ROBO2: variants seen among roughly 807,000 people sequenced by gnomAD.
ROBO2 encodes roundabout homolog 2.
A neutral mutation model predicts 160.8 loss-of-function variants in ROBO2; 53 were observed. The observed-to-expected ratio is 0.33, with a 90% CI of 0.26 to 0.41. The LOEUF is 0.41. Among genes scored for constraint, ROBO2 ranks in the 10% least tolerant of loss-of-function variants. ROBO2 has a pLI of 1.00. For missense variants in ROBO2, 1,577 were observed against 1,722.4 expected (o/e 0.92, Z 1.49); for synonymous variants, 664 against 611.7 (o/e 1.09, Z -1.26).
chr3:76,460,446 TTG>T (rs1309231764), intron 2 of ROBO2, among the ~76,000 whole-genome samples: 5 of 152,162 alleles, frequency 3.3e-5, no homozygotes, highest in Non-Finnish European at 7.4e-5. Flanking sequence ...AAGTGGTGCT[TTG>T]TGGCTGCTAA....
chr3:76,233,380 G>C (rs1041326143), intron 2 of ROBO2, among the ~76,000 whole-genome samples: 1 of 152,084 alleles, frequency 6.6e-6, no homozygotes, highest in African/African-American at 2.4e-5. Context: ...CTGACCTGAG[G>C]TGATCCGCCT....
At chr3:76,542,239 G>A (rs1026983148) in intron 2 of ROBO2, among the ~76,000 whole-genome samples, 7 of 152,114 alleles carry the variant, frequency 4.6e-5, no homozygotes, top group South Asian at 2.1e-4. Flanking sequence ...CTGGGCCAAA[G>A]CTCTGGAATG....
At chr3:77,401,031 G>A (rs898564917) in intron 2 of ROBO2, among the ~76,000 whole-genome samples, 1 of 151,478 alleles carries the variant, frequency 6.6e-6, no homozygotes, top group Non-Finnish European at 1.5e-5. Context: ...TGGCATTTCC[G>A]GATTGTTTCC....
At chr3:77,462,987 A>G (rs1192202457) in intron 2 of ROBO2, among the ~76,000 whole-genome samples, 1 of 152,210 alleles carries the variant, frequency 6.6e-6, no homozygotes, top group Non-Finnish European at 1.5e-5. Flanking sequence ...CATTTTAAGT[A>G]TACTTGTCCC....
intron 2 of ROBO2, among the ~76,000 whole-genome samples, chr3:76,369,469 G>A (rs1350839119): frequency 6.6e-6 from 1 of 151,888 alleles, no homozygotes; most frequent in African/African-American, 2.4e-5. Context: ...ACCCCTTTAT[G>A]CTGATGACTT....
intron 2 of ROBO2, among the ~76,000 whole-genome samples, chr3:76,080,282 C>G (rs549857644): frequency 6.6e-6 from 1 of 152,314 alleles, no homozygotes; most frequent in East Asian, 1.9e-4. Context: ...TCAGCGCTTA[C>G]TATTCCTGGT....
intron 2 of ROBO2, among the ~76,000 whole-genome samples, chr3:76,580,358 T>TTTTTTG (rs2085620425): frequency 1.4e-5 from 2 of 146,980 alleles, no homozygotes; most frequent in African/African-American, 2.5e-5. Flanking sequence ...TTTTTTGTTT[T>TTTTTTG]TTTTTTTGGT....
At chr3:77,317,296 G>C (rs1182820664) in intron 2 of ROBO2, 1 of 757,012 alleles carries the variant, frequency 1.3e-6, no homozygotes, top group East Asian at 2.5e-5. Context: ...CCAGTGTTAG[G>C]TGACGAGGAT....
rs562080667 is a variant in ROBO2, at chr3:76,157,933, A to G, written c.109+220331A>G. 1.6e-4 allele frequency among the ~76,000 whole-genome samples: 25 copies of G among 152,262 alleles called. No homozygotes were observed. In the South Asian group the frequency reaches 4.8e-3, roughly 29 times the overall value. ...GACTTGGCAGAGTCTCAAAATTACC[A>G]TATCAGATAGGAAATTCATTCTCTT... is the stretch of plus-strand genomic sequence containing the variant. On this transcript the variant is annotated intron_variant, in intron 2 of 26. Coordinates refer to the ROBO2 transcript ENST00000487694.
intron 2 of ROBO2, among the ~76,000 whole-genome samples, chr3:76,323,989 T>G (rs908418174): frequency 3.3e-5 from 5 of 152,178 alleles, no homozygotes; most frequent in Non-Finnish European, 1.5e-5. Flanking sequence ...GAATAATACA[T>G]AAACATTGAG....
intron 16 of ROBO2, among the ~76,000 whole-genome samples, chr3:77,580,738 T>C (rs1394391525): frequency 6.6e-6 from 1 of 152,182 alleles, no homozygotes; most frequent in Admixed American, 6.5e-5. Flanking sequence ...TTATTCAGTT[T>C]ATATGTTTTA....
intron 24 of ROBO2, among the ~76,000 whole-genome samples, chr3:77,640,422 T>C (rs1428880398): frequency 6.6e-6 from 1 of 152,204 alleles, no homozygotes; most frequent in Non-Finnish European, 1.5e-5. Flanking sequence ...CCGCATATTT[T>C]ATATAGGATG....
chr3:77,628,090 C>A (rs148739753), intron 23 of ROBO2, among the ~76,000 whole-genome samples: 3 of 152,252 alleles, frequency 2.0e-5, no homozygotes, highest in African/African-American at 7.2e-5. Flanking sequence ...AGCTTGAATA[C>A]ATTTGAGATT....
At chr3:76,126,629 C>T (rs1169903627) in intron 2 of ROBO2, among the ~76,000 whole-genome samples, 10 of 152,032 alleles carry the variant, frequency 6.6e-5, no homozygotes, top group Non-Finnish European at 1.3e-4. Flanking sequence ...TTCATGACTC[C>T]TATTAAACCC....
In ROBO2 at chr3:76,782,850, C is replaced by G. The variant is rs80247809; in HGVS notation, c.110-315164C>G. Among the ~76,000 whole-genome samples, 141 of 150,700 alleles carry G rather than the reference C, an allele frequency of 9.4e-4. 3 individuals carry two copies. In the East Asian group the frequency reaches 0.026, roughly 27 times the overall value. Reference sequence around the variant, plus strand: ...TATATTTTGATTGAAAAATTTCATCCATTTGCATTTGTAGTAATTAGTTAT... The same window carrying G: ...TATATTTTGATTGAAAAATTTCATCGATTTGCATTTGTAGTAATTAGTTAT... On this transcript the variant is annotated intron_variant, in intron 2 of 26. Coordinates refer to the ROBO2 transcript ENST00000487694.
At chr3:76,486,685 A>T (rs2079516256) in intron 2 of ROBO2, among the ~76,000 whole-genome samples, 1 of 152,150 alleles carries the variant, frequency 6.6e-6, no homozygotes, top group African/African-American at 2.4e-5. Context: ...GCAAATTCTA[A>T]AGGATGTTTT....
chr3:76,778,359 A>G (rs2108577222), intron 2 of ROBO2, among the ~76,000 whole-genome samples: 1 of 151,184 alleles, frequency 6.6e-6, no homozygotes, highest in African/African-American at 2.4e-5. Context: ...TGTATGAGCT[A>G]TGAGCAAAGG....
intron 2 of ROBO2, among the ~76,000 whole-genome samples, chr3:77,390,777 A>G (rs2074642929): frequency 1.3e-5 from 2 of 152,186 alleles, no homozygotes; most frequent in Admixed American, 6.5e-5. Flanking sequence ...ATTATCCATT[A>G]TTCCTGTAAA....
rs150790807 is a variant in ROBO2, at chr3:76,192,054, G to T, written c.109+254452G>T. Among the ~76,000 whole-genome samples the T allele has an allele frequency of 2.5e-3, 380 of 152,052 alleles. 1 individual carries two copies. Among genetic ancestry groups the T allele is most frequent in the African/African-American group, 8.8e-3 (366 of 41,500 alleles). ...GGTTTCCAACAGTAACCTCACCTTC[G>T]ATTGGCTTACAAATCCCGCTATTTC... On this transcript the variant is annotated intron_variant, in intron 2 of 26. Transcript: ENST00000487694.
Sources: gnomAD v4.1 joint callset for allele counts (sites outside exome capture counted in the v4.1 genomes callset) on GRCh38, gnomAD v4.1.1 for gene constraint, MANE v1.5 for transcripts, NCBI Gene and HGNC (gene_info 2026-07-23, HGNC 2026-07-21) for gene names.